The following DOK6 variants were observed in gnomAD, a reference collection of about 807,000 sequenced individuals.
The protein encoded by DOK6 is docking protein 6.
In DOK6, 22 loss-of-function variants were observed where a neutral mutation model predicts 44.0. That is an observed-to-expected ratio of 0.50 (90% CI 0.36 to 0.71). DOK6 has a LOEUF of 0.71. Ranked by LOEUF, DOK6 falls within the 30% of genes least tolerant of loss-of-function variation. The probability of loss-of-function intolerance (pLI) is 0.00; values close to 1 mark genes in which losing one functional copy is unlikely to be tolerated. For synonymous variants in DOK6, 166 were observed against 145.5 expected (o/e 1.14, Z -1.01); for missense variants, 340 against 416.4 (o/e 0.82, Z 1.60).
intron 2 of DOK6, among the ~76,000 whole-genome samples, chr18:69,587,071 C>T (rs1233087690): frequency 5.3e-5 from 8 of 152,128 alleles, no homozygotes; most frequent in African/African-American, 1.7e-4. Flanking sequence ...TTCTATTTTA[C>T]GTTCATGTAA....
chr18:69,585,848 C>T (rs530803241), intron 2 of DOK6, among the ~76,000 whole-genome samples: 16 of 152,328 alleles, frequency 1.1e-4, no homozygotes, highest in African/African-American at 3.6e-4. Flanking sequence ...ATTTTTATTT[C>T]CACTTAGAAC....
At chr18:69,538,393 T>C (rs75686344) in intron 1 of DOK6, among the ~76,000 whole-genome samples, 1,887 of 152,112 alleles carry the variant, frequency 0.012, 36 homozygotes, top group African/African-American at 0.036. Context: ...CCTTTTTTTT[T>C]CCCCTCTGAG....
intron 6 of DOK6, among the ~76,000 whole-genome samples, chr18:69,751,323 T>C (rs1979171522): frequency 1.4e-5 from 1 of 70,868 alleles, no homozygotes; most frequent in Admixed American, 1.9e-4. Context: ...TTCACTTGTA[T>C]TCATAAATTA....
At chr18:69,516,183 T>C (rs981135475) in intron 1 of DOK6, among the ~76,000 whole-genome samples, 1 of 152,214 alleles carries the variant, frequency 6.6e-6, no homozygotes, top group East Asian at 1.9e-4. Context: ...CAAAGTGTGC[T>C]ATCTCCAAGA....
At chr18:69,420,555 A>G (rs1978462127) in intron 1 of DOK6, among the ~76,000 whole-genome samples, 1 of 152,040 alleles carries the variant, frequency 6.6e-6, no homozygotes, top group African/African-American at 2.4e-5. Flanking sequence ...GGTTTGTTAC[A>G]TATGTATACA....
At chr18:69,808,350 C>A (rs1423468178) in intron 7 of DOK6, among the ~76,000 whole-genome samples, 1 of 151,564 alleles carries the variant, frequency 6.6e-6, no homozygotes, top group Non-Finnish European at 1.5e-5. Context: ...ATGTTTCAAA[C>A]AACCTAATGT....
intron 1 of DOK6, among the ~76,000 whole-genome samples, chr18:69,413,193 A>G (rs528352327): frequency 2.0e-5 from 3 of 152,270 alleles, no homozygotes; most frequent in Non-Finnish European, 2.9e-5. Context: ...ACTAATACAT[A>G]TAATTGATAA....
chr18:69,432,850 T>C (rs927597003), intron 1 of DOK6, among the ~76,000 whole-genome samples: 6 of 152,220 alleles, frequency 3.9e-5, no homozygotes, highest in Non-Finnish European at 1.5e-5. Context: ...ATTTGTGTTG[T>C]GCTTGATATA....
intron 3 of DOK6, among the ~76,000 whole-genome samples, chr18:69,633,591 T>C (rs1489651158): frequency 6.6e-6 from 1 of 152,210 alleles, no homozygotes; most frequent in Non-Finnish European, 1.5e-5. Flanking sequence ...TTAGTAAAAC[T>C]AATCAAAAAT....
At chr18:69,441,047 T>C (rs988174263) in intron 1 of DOK6, among the ~76,000 whole-genome samples, 3 of 152,122 alleles carry the variant, frequency 2.0e-5, no homozygotes, top group African/African-American at 7.2e-5. Context: ...ATTAAACTTT[T>C]CAAATTAATT....
chr18:69,840,265 T>C (rs1942996), intron 7 of DOK6, among the ~76,000 whole-genome samples: 140,942 of 152,320 alleles, frequency 0.93, 66,126 homozygotes, highest in Non-Finnish European at 1. Context: ...CTCAGCACAG[T>C]CCCTCCTTTG....
At chr18:69,819,703 T>C (rs1407589633) in intron 7 of DOK6, among the ~76,000 whole-genome samples, 1 of 152,172 alleles carries the variant, frequency 6.6e-6, no homozygotes, top group Non-Finnish European at 1.5e-5. Context: ...AAAAGCATCA[T>C]TTTACCCTGT....
At chr18:69,668,737 G>T (rs146525152) in intron 3 of DOK6, among the ~76,000 whole-genome samples, 1 of 151,988 alleles carries the variant, frequency 6.6e-6, no homozygotes, top group Non-Finnish European at 1.5e-5. Context: ...TGATCATTCC[G>T]CAATGTATGT....
At chr18:69,835,100 C>T (rs1982006353) in intron 7 of DOK6, among the ~76,000 whole-genome samples, 1 of 152,184 alleles carries the variant, frequency 6.6e-6, no homozygotes, top group Admixed American at 6.5e-5. Context: ...AAGTCTCTCC[C>T]TCAACATCTG....
At chr18:69,769,359 T>A (rs965801049) in intron 7 of DOK6, among the ~76,000 whole-genome samples, 25 of 152,232 alleles carry the variant, frequency 1.6e-4, no homozygotes, top group Middle Eastern at 3.4e-3. Flanking sequence ...ATTTGAAGAA[T>A]AGCCATTGTC....
chr18:69,513,311 C>T (rs1437249565), intron 1 of DOK6, among the ~76,000 whole-genome samples: 1 of 152,184 alleles, frequency 6.6e-6, no homozygotes, highest in Admixed American at 6.5e-5. Flanking sequence ...AGTTTCTAGC[C>T]TGACTGCTAA....
At chr18:69,671,136 T>C (rs960142527) in intron 3 of DOK6, among the ~76,000 whole-genome samples, 2 of 152,200 alleles carry the variant, frequency 1.3e-5, no homozygotes, top group Admixed American at 6.5e-5. Flanking sequence ...AATTTTACAA[T>C]GAATTATTGT....
intron 5 of DOK6, among the ~76,000 whole-genome samples, chr18:69,701,913 A>T (rs969595938): frequency 1.5e-4 from 23 of 152,312 alleles, no homozygotes; most frequent in Non-Finnish European, 3.1e-4. Flanking sequence ...AGGGATGCAA[A>T]GAGAAAGAAT....
At chr18:69,808,163 A>G (rs1325284492) in intron 7 of DOK6, among the ~76,000 whole-genome samples, 3 of 151,920 alleles carry the variant, frequency 2.0e-5, no homozygotes, top group East Asian at 1.9e-4. Context: ...TCACAAATAC[A>G]TGGAAATTAA....
Sources: gnomAD v4.1 joint callset for allele counts (sites outside exome capture counted in the v4.1 genomes callset) on GRCh38, gnomAD v4.1.1 for gene constraint, MANE v1.5 for transcripts, NCBI Gene and HGNC (gene_info 2026-07-23, HGNC 2026-07-21) for gene names.